TIMM23B: variants seen among roughly 807,000 people sequenced by gnomAD.
The protein encoded by TIMM23B is mitochondrial import inner membrane translocase subunit Tim23B.
In TIMM23B, 27 loss-of-function variants were observed where a neutral mutation model predicts 27.3. That is an observed-to-expected ratio of 0.99 (90% CI 0.73 to 1.36). The LOEUF is 1.36. TIMM23B is among the 40% of genes most tolerant of loss of function. The pLI, the probability that TIMM23B is intolerant of heterozygous loss-of-function variation, is 0.00. For synonymous variants in TIMM23B, 73 were observed against 92.4 expected, an observed-to-expected ratio of 0.79 and a Z score of 1.21; for missense variants, 205 against 244.2, an observed-to-expected ratio of 0.84 and a Z score of 1.07.
chr10:49,942,735 A>G (rs5000940), intron 1 of TIMM23B, among the ~76,000 whole-genome samples: 3 of 152,052 alleles, frequency 2.0e-5, no homozygotes, highest in Admixed American at 1.3e-4. Context: ...GTAATATTGC[A>G]TGTAAGTGAG....
intron 2 of TIMM23B, among the ~76,000 whole-genome samples, chr10:49,948,040 A>G (rs1680495734): frequency 6.6e-6 from 1 of 152,232 alleles, no homozygotes; most frequent in Non-Finnish European, 1.5e-5. Context: ...AACTCTTGAA[A>G]CATTAATAAA....
intron 6 of TIMM23B, among the ~76,000 whole-genome samples, chr10:49,968,285 A>G (rs1363979184): frequency 1.4e-4 from 21 of 152,236 alleles, no homozygotes; most frequent in South Asian, 2.1e-4. Context: ...TTTGAAATGC[A>G]ACCTATTTTC....
intron 6 of TIMM23B, among the ~76,000 whole-genome samples, chr10:49,971,429 T>C (rs2132072275): frequency 6.6e-6 from 1 of 150,424 alleles, no homozygotes; most frequent in East Asian, 1.9e-4. Context: ...TGTAGCCAAA[T>C]ATAATTATTT....
At chr10:49,955,881 A>C (rs1396039476) in intron 5 of TIMM23B, among the ~76,000 whole-genome samples, 5 of 152,196 alleles carry the variant, frequency 3.3e-5, no homozygotes, top group African/African-American at 1.2e-4. Context: ...GGCTGCTTTC[A>C]TATGTTGCTG....
At chr10:49,972,185 A>G (rs1554856717) in intron 6 of TIMM23B, among the ~76,000 whole-genome samples, 2 of 152,266 alleles carry the variant, frequency 1.3e-5, no homozygotes, top group African/African-American at 2.4e-5. Flanking sequence ...CTGCTCTGTC[A>G]TCAGCTGTAG....
At chr10:49,971,940 CG>C (rs1840470183) in intron 6 of TIMM23B, among the ~76,000 whole-genome samples, 1 of 152,112 alleles carries the variant, frequency 6.6e-6, no homozygotes, top group African/African-American at 2.4e-5. Context: ...AAGATCCCTT[CG>C]TTGGTTTAGT....
At chr10:49,970,928 G>T (rs1490522000) in intron 6 of TIMM23B, among the ~76,000 whole-genome samples, 7 of 152,186 alleles carry the variant, frequency 4.6e-5, no homozygotes, top group African/African-American at 1.7e-4. Context: ...TCGGATTGTT[G>T]CTGTGTCTGT....
chr10:49,948,235 G>C lies in TIMM23B; in HGVS notation c.165+3145G>C, dbSNP rs1395015260. On this transcript the variant is annotated intron_variant, in intron 2 of 6. Transcript: ENST00000651259. ...GAAAATAATAAGTATTGTTGAGGAT[G>C]TAGAGAAATTGGACCTCTGTACATT... Among the ~76,000 whole-genome samples the C allele has an allele frequency of 2.2e-3, 333 of 152,292 alleles. 2 individuals carry two copies. The highest frequency in any genetic ancestry group is 7.7e-3 in the African/African-American group (322 of 41,560).
rs1255566272 is a variant in TIMM23B, at chr10:49,942,066, G to T, written c.-129G>T. 6.3e-6 allele frequency: 8 copies of T among 1,267,768 alleles called. No homozygotes were observed. In the East Asian group the frequency reaches 1.0e-4, roughly 16 times the overall value. 78.5% of individuals were successfully genotyped at this position (1,267,768 alleles called of 1,614,324 possible). ...AGTGTGGCGCTTAACGGGAACCGGC[G>T]CCCGGAATGTCAGCGTGTGAAGTAG... is the stretch of plus-strand genomic sequence containing the variant. On this transcript the variant is annotated 5_prime_UTR_variant, in exon 1 of 7. Coordinates refer to ENST00000651259, the MANE Select transcript of TIMM23B (RefSeq NM_001290117.2).
At chr10:49,960,210 AT>A (rs71258794) in intron 6 of TIMM23B, among the ~76,000 whole-genome samples, 28,967 of 137,670 alleles carry the variant, frequency 0.21, 3,098 homozygotes, top group Non-Finnish European at 0.28. Context: ...CACCCAGCTA[AT>A]TTTTTTTTTT....
chr10:49,963,453 C>T (rs1322335318), intron 6 of TIMM23B, among the ~76,000 whole-genome samples: 13 of 150,310 alleles, frequency 8.6e-5, no homozygotes, highest in Admixed American at 2.0e-4. Flanking sequence ...AGCAGGTCTC[C>T]GTCTCGAAAT....
chr10:49,952,394 G>A lies in TIMM23B; in HGVS notation c.260-55G>A. 5.7e-6 allele frequency: 8 copies of A among 1,409,928 alleles called. 1 individual carries two copies. The highest frequency in any genetic ancestry group is 1.3e-5 in the South Asian group (1 of 74,508). 87.3% of individuals were successfully genotyped at this position (1,409,928 alleles called of 1,614,324 possible). ...AGAAGTGTAGTTATGCAGTTTTGAG[G>A]TTTTTTTTTTAATATAAAGCTGTCT... On this transcript the variant is annotated intron_variant, in intron 3 of 6. Coordinates refer to ENST00000651259, the MANE Select transcript of TIMM23B (RefSeq NM_001290117.2).
At chr10:49,963,967 A>G (rs141215911) in intron 6 of TIMM23B, among the ~76,000 whole-genome samples, 1,838 of 152,286 alleles carry the variant, frequency 0.012, 40 homozygotes, top group African/African-American at 0.042. Context: ...TCTGGCTCGA[A>G]ATGACATGAC....
chr10:49,948,054 A>T (rs1839409927), intron 2 of TIMM23B, among the ~76,000 whole-genome samples: 1 of 152,236 alleles, frequency 6.6e-6, no homozygotes, highest in Non-Finnish European at 1.5e-5. Context: ...TAATAAAAAT[A>T]ATTACAAAAT....
rs1839134697 is a variant in TIMM23B, at chr10:49,942,228, A to T, written c.34A>T (p.Thr12Ser). 1.2e-6 allele frequency: 2 copies of T among 1,612,258 alleles called. No homozygotes were observed. The highest frequency in any genetic ancestry group is 1.7e-6 in the Non-Finnish European group (2 of 1,179,272). Residue 12 changes from threonine to serine, a missense_variant, in exon 1 of 7, where the codon ACA becomes TCA. Physicochemically the swap from Thr to Ser is moderately conservative, Grantham distance 58. Coordinates refer to ENST00000651259, the MANE Select transcript of TIMM23B (RefSeq NM_001290117.2). ...AGGCGGGGGAAGCGGCGACAAAACC[A>T]CAGGGGTATTGGCCGGCTTTTTCGG... Reference protein sequence around the residue: ...EGGGGSGDKTTGVLAGFFGAG... With the variant: ...EGGGGSGDKTSGVLAGFFGAG...
intron 2 of TIMM23B, among the ~76,000 whole-genome samples, chr10:49,948,587 TC>T (rs1485752703): frequency 6.6e-6 from 1 of 152,322 alleles, no homozygotes; most frequent in African/African-American, 2.4e-5. Flanking sequence ...CTTTAAAACT[TC>T]CTAAATGAAA....
intron 6 of TIMM23B, among the ~76,000 whole-genome samples, chr10:49,959,058 G>A (rs1182660283): frequency 6.6e-6 from 1 of 152,144 alleles, no homozygotes; most frequent in Non-Finnish European, 1.5e-5. Context: ...GAATAATGCT[G>A]CTACGAATAT....
chr10:49,944,530 A>C (rs1468258385), intron 1 of TIMM23B, among the ~76,000 whole-genome samples: 1 of 151,920 alleles, frequency 6.6e-6, no homozygotes, highest in Non-Finnish European at 1.5e-5. Context: ...TGACCCAAGG[A>C]TTCTCAACCT....
chr10:49,945,738 AAAGC>A (rs1177889903), intron 2 of TIMM23B, among the ~76,000 whole-genome samples: 3 of 152,210 alleles, frequency 2.0e-5, no homozygotes, highest in Non-Finnish European at 4.4e-5. Context: ...GTATATTAGA[AAAGC>A]AAGGTTGTTT....
Sources: allele counts gnomAD v4.1 joint callset (sites outside exome capture counted in the v4.1 genomes callset), GRCh38; gene constraint gnomAD v4.1.1; transcripts MANE v1.5; gene names NCBI Gene and HGNC (gene_info 2026-07-23, HGNC 2026-07-21).